The following UBE2E2 variants were observed in gnomAD, a reference collection of about 807,000 sequenced individuals.
UBE2E2 encodes ubiquitin conjugating enzyme E2 E2.
A neutral mutation model predicts 24.7 loss-of-function variants in UBE2E2; 6 were observed. The observed-to-expected ratio is 0.24, with a 90% confidence interval of 0.13 to 0.48. The LOEUF is 0.48. UBE2E2 is among the 20% of genes least tolerant of loss of function. The probability of loss-of-function intolerance (pLI) is 0.99; values close to 1 mark genes in which losing one functional copy is unlikely to be tolerated. For synonymous variants in UBE2E2, 104 were observed against 83.6 expected (o/e 1.24, Z -1.33); for missense variants, 169 against 245.0 (o/e 0.69, Z 2.07).
intron 3 of UBE2E2, among the ~76,000 whole-genome samples, chr3:23,353,154 A>C (rs1172974073): frequency 6.6e-6 from 1 of 152,218 alleles, no homozygotes; most frequent in Non-Finnish European, 1.5e-5. Flanking sequence ...ATCTCAATAT[A>C]TGCAGAAAAG....
At chr3:23,499,772 A>G (rs1203813174) in intron 4 of UBE2E2, 32 bp downstream of exon 4, 36 of 1,605,594 alleles carry the variant, frequency 2.2e-5, no homozygotes, top group Non-Finnish European at 2.9e-5. Context: ...ATTTTTAGCA[A>G]TATGGATTAT....
intron 3 of UBE2E2, among the ~76,000 whole-genome samples, chr3:23,367,383 G>A (rs1024596380): frequency 1.3e-5 from 2 of 152,124 alleles, no homozygotes; most frequent in Non-Finnish European, 2.9e-5. Flanking sequence ...TTAGAGGGGT[G>A]GGGCTGAAAG....
chr3:23,266,412 G>C (rs978617493), intron 3 of UBE2E2, among the ~76,000 whole-genome samples: 37 of 152,208 alleles, frequency 2.4e-4, no homozygotes, highest in Non-Finnish European at 4.4e-4. Context: ...ATGAAGCTTA[G>C]TTTGGCTGGA....
intron 3 of UBE2E2, among the ~76,000 whole-genome samples, chr3:23,341,542 G>A (rs1418206520): frequency 6.6e-6 from 1 of 152,150 alleles, no homozygotes; most frequent in Non-Finnish European, 1.5e-5. Context: ...GTGTAGGTAA[G>A]CTTAGGTTTA....
chr3:23,301,741 TGAG>T (rs1699099648), intron 3 of UBE2E2, among the ~76,000 whole-genome samples: 1 of 152,168 alleles, frequency 6.6e-6, no homozygotes. Flanking sequence ...GGGACCCACT[TGAG>T]GAGGCAGTCT....
chr3:23,305,342 T>C (rs1175062301), intron 3 of UBE2E2, among the ~76,000 whole-genome samples: 1 of 152,234 alleles, frequency 6.6e-6, no homozygotes, highest in Non-Finnish European at 1.5e-5. Context: ...GTAGAAATGC[T>C]TTATGCATGC....
At chr3:23,323,521 C>A in intron 3 of UBE2E2, 1 of 447,100 alleles carries the variant, frequency 2.2e-6, no homozygotes. Context: ...TCAGCACCAA[C>A]ATAACACTGA....
At chr3:23,301,176 T>A (rs143257598) in intron 3 of UBE2E2, among the ~76,000 whole-genome samples, 15 of 152,336 alleles carry the variant, frequency 9.8e-5, no homozygotes, top group African/African-American at 3.4e-4. Flanking sequence ...ATTCTAGTTA[T>A]CCATTCGTCT....
At position 23,237,166 on chromosome 3, in the gene UBE2E2, C is replaced by T. The variant is rs144025687; in HGVS notation, c.227+19854C>T. Among the ~76,000 whole-genome samples the T allele has an allele frequency of 6.3e-3, 963 of 152,244 alleles. 13 individuals are homozygous for T. The highest frequency in any genetic ancestry group is 0.021 in the African/African-American group (890 of 41,546). On this transcript the variant is annotated intron_variant, in intron 3 of 5. Transcript: ENST00000396703. ...TATATGAGTTAATACATGTAAAGCA[C>T]TCAGAGTAGTGCCTGGCATATAAGG...
At chr3:23,305,413 C>G (rs1559341371) in intron 3 of UBE2E2, among the ~76,000 whole-genome samples, 2 of 152,122 alleles carry the variant, frequency 1.3e-5, no homozygotes, top group Non-Finnish European at 2.9e-5. Flanking sequence ...ACAAGTGAAG[C>G]TGAATTTTTA....
intron 3 of UBE2E2, among the ~76,000 whole-genome samples, chr3:23,243,907 C>T (rs549498321): frequency 4.6e-5 from 7 of 151,980 alleles, no homozygotes; most frequent in Non-Finnish European, 7.4e-5. Flanking sequence ...GCCTTAGGAT[C>T]GTTCTTTTAC....
intron 3 of UBE2E2, among the ~76,000 whole-genome samples, chr3:23,354,216 C>A (rs1053477352): frequency 6.6e-6 from 1 of 152,046 alleles, no homozygotes; most frequent in Non-Finnish European, 1.5e-5. Context: ...CCCTTCCTTA[C>A]ACCTTATACA....
intron 3 of UBE2E2, among the ~76,000 whole-genome samples, chr3:23,257,060 G>A (rs145295239): frequency 3.9e-5 from 6 of 152,352 alleles, no homozygotes; most frequent in Non-Finnish European, 7.3e-5. Context: ...CTTGAGAAGA[G>A]TGTGCTTTTA....
At chr3:23,462,847 C>G (rs1032088832) in intron 3 of UBE2E2, among the ~76,000 whole-genome samples, 1 of 152,134 alleles carries the variant, frequency 6.6e-6, no homozygotes, top group Non-Finnish European at 1.5e-5. Context: ...CACTTATCAG[C>G]ATTGTGGCTT....
chr3:23,565,628 TA>T (rs1267735668), intron 5 of UBE2E2, among the ~76,000 whole-genome samples: 1 of 151,950 alleles, frequency 6.6e-6, no homozygotes, highest in East Asian at 1.9e-4. Context: ...AGGGAGGTTA[TA>T]GGGGCCCTCT....
intron 5 of UBE2E2, among the ~76,000 whole-genome samples, chr3:23,539,886 T>C (rs1695350341): frequency 6.6e-6 from 1 of 152,146 alleles, no homozygotes; most frequent in African/African-American, 2.4e-5. Context: ...TTAGGTAAAA[T>C]GTGTGAACTA....
intron 3 of UBE2E2, among the ~76,000 whole-genome samples, chr3:23,300,923 A>G (rs550018924): frequency 2.6e-5 from 4 of 152,310 alleles, no homozygotes; most frequent in Admixed American, 2.0e-4. Context: ...AGGTACACCA[A>G]TCAGACGTAG....
At chr3:23,490,315 C>T (rs1189735675) in intron 3 of UBE2E2, among the ~76,000 whole-genome samples, 1 of 152,168 alleles carries the variant, frequency 6.6e-6, no homozygotes, top group Non-Finnish European at 1.5e-5. Context: ...ATAAGAGATA[C>T]TTAACCTGTA....
chr3:23,563,006 T>G (rs1330371259), intron 5 of UBE2E2, among the ~76,000 whole-genome samples: 2 of 152,128 alleles, frequency 1.3e-5, no homozygotes, highest in Non-Finnish European at 2.9e-5. Context: ...TTTGTTGATC[T>G]TTTCAAAAAA....
Sources: gnomAD v4.1 joint callset for allele counts (sites outside exome capture counted in the v4.1 genomes callset) on GRCh38, gnomAD v4.1.1 for gene constraint, MANE v1.5 for transcripts, NCBI Gene and HGNC (gene_info 2026-07-23, HGNC 2026-07-21) for gene names.